ATXN10: variants seen among roughly 807,000 people sequenced by gnomAD.
The protein encoded by ATXN10 is ataxin 10, also known as ataxin-10.
Under a neutral mutation model 52.9 loss-of-function variants are expected in ATXN10, and 28 were observed. The observed-to-expected ratio is 0.53, with a 90% CI of 0.39 to 0.73. The LOEUF is 0.73. Among genes scored for constraint, ATXN10 ranks in the 30% least tolerant of loss-of-function variants. The probability of loss-of-function intolerance (pLI) is 0.00; values close to 1 mark genes in which losing one functional copy is unlikely to be tolerated. For missense variants in ATXN10, 565 were observed against 577.0 expected, an observed-to-expected ratio of 0.98 and a Z score of 0.21; for synonymous variants, 226 against 221.5, an observed-to-expected ratio of 1.02 and a Z score of -0.18.
At chr22:45,797,420 A>G (rs1927781952) in intron 9 of ATXN10, among the ~76,000 whole-genome samples, 1 of 152,246 alleles carries the variant, frequency 6.6e-6, no homozygotes, top group South Asian at 2.1e-4. Context: ...CTAATATCCC[A>G]AGATATTTGA....
At chr22:45,737,003 T>A (rs1925322937) in intron 7 of ATXN10, among the ~76,000 whole-genome samples, 1 of 152,254 alleles carries the variant, frequency 6.6e-6, no homozygotes, top group African/African-American at 2.4e-5. Flanking sequence ...AAAGGCAGGA[T>A]AAGTGCTCGA....
chr22:45,689,765 C>A lies in ATXN10; in HGVS notation c.170C>A (p.Ser57Tyr). The A allele has an allele frequency of 1.2e-6, 2 of 1,614,196 alleles. No individual in the cohort carries two copies. The highest frequency in any genetic ancestry group is 1.7e-6 in the Non-Finnish European group (2 of 1,180,026). ...AGAGTTCTGGATATCCTAAAGAAAT[C>A]TTCTCATGCTGTTGAGCTTGCCTGC... ...FQRVLDILKK[S>Y]SHAVELACRD... The change falls in exon 2 of 12, where the codon TCT (serine) becomes TAT (tyrosine). Residue 57 changes from serine to tyrosine, a missense_variant. By Grantham distance (144) the Ser-to-Tyr change is moderately radical. Transcript: ENST00000252934.
rs1173251370 is a variant in ATXN10, at chr22:45,762,222, C to G, written c.1173+21684C>G. On this transcript the variant is annotated intron_variant, in intron 9 of 11. Transcript: ENST00000252934. This position sits in a 1 kb window ranked among gnomAD's most constrained non-coding sequence, Gnocchi z 4.3. ...GAGACTGTGTTTCTATTTATTTGCC[C>G]TTTGTCTGTTTCCCCTGACCAGCGT... 1.3e-5 allele frequency among the ~76,000 whole-genome samples: 2 copies of G among 152,156 alleles called. No homozygotes were observed. Among genetic ancestry groups the G allele is most frequent in the Non-Finnish European group, 1.5e-5 (1 of 68,026 alleles).
Position 45,818,199 on chromosome 22 carries a change from A to G in ATXN10, c.1237+11177A>G, listed in dbSNP as rs1284001344. ...CACCTCCAGAATCACAGAGGCTAGA[A>G]GCTAAAGCTGTGTCAGCACACTGGG... On this transcript the variant is annotated intron_variant, in intron 10 of 11. Transcript: ENST00000252934. This position sits in a 1 kb window ranked among gnomAD's most constrained non-coding sequence, Gnocchi z 4.6. 6.6e-6 allele frequency among the ~76,000 whole-genome samples: 1 copy of G among 152,216 alleles called. No individual in the cohort carries two copies. The highest frequency in any genetic ancestry group is 1.5e-5 in the Non-Finnish European group (1 of 68,044).
At chr22:45,687,823 G>A (rs1027895130) in intron 1 of ATXN10, among the ~76,000 whole-genome samples, 8 of 152,296 alleles carry the variant, frequency 5.3e-5, no homozygotes, top group Non-Finnish European at 1.0e-4. Flanking sequence ...CACTTTGGGA[G>A]GCCGAGGTAG....
chr22:45,730,251 G>A (rs1925035203), intron 7 of ATXN10, among the ~76,000 whole-genome samples: 1 of 151,734 alleles, frequency 6.6e-6, no homozygotes, highest in South Asian at 2.1e-4. Context: ...GGCTGAGGTG[G>A]GAGGGTCACT....
chr22:45,735,966 A>T (rs1925280475), intron 7 of ATXN10, among the ~76,000 whole-genome samples: 1 of 151,918 alleles, frequency 6.6e-6, no homozygotes, highest in Non-Finnish European at 1.5e-5. Flanking sequence ...TAATTTCCAG[A>T]TGCTCATTAG....
At chr22:45,682,067 C>A (rs897142748) in intron 1 of ATXN10, among the ~76,000 whole-genome samples, 1 of 152,146 alleles carries the variant, frequency 6.6e-6, no homozygotes, top group South Asian at 2.1e-4. Flanking sequence ...TCTCTCCCCC[C>A]TTAAAAATCA....
rs772203552 is a variant in ATXN10, at chr22:45,750,108, A to T, written c.1173+9570A>T. Among the ~76,000 whole-genome samples the T allele has an allele frequency of 1.1e-4, 16 of 151,210 alleles. No individual in the cohort carries two copies. Among genetic ancestry groups the T allele is most frequent in the East Asian group, 2.0e-4 (1 of 5,068 alleles). On this transcript the variant is annotated intron_variant, in intron 9 of 11. Coordinates refer to ENST00000252934, the MANE Select transcript of ATXN10 (RefSeq NM_013236.4). This position sits in a 1 kb window ranked among gnomAD's most constrained non-coding sequence, Gnocchi z 4.2. Reference sequence around the variant, plus strand: ...GATAACAGACGTTTTAATTTAATTTAATTTTATTTTTGAGACAGGGTCTTG... The same window carrying T: ...GATAACAGACGTTTTAATTTAATTTTATTTTATTTTTGAGACAGGGTCTTG...
chr22:45,718,289 A>G lies in ATXN10; in HGVS notation c.648-124A>G. ...AACCTTTTAAGACATTTAAGATTAC[A>G]GCAAATCAAAAATTCACTGAAAAGA... is the stretch of plus-strand genomic sequence containing the variant. On this transcript the variant is annotated intron_variant, in intron 5 of 11. Transcript: ENST00000252934. This position sits in a 1 kb window ranked among gnomAD's most constrained non-coding sequence, Gnocchi z 4.4. The G allele has an allele frequency of 1.2e-6, 1 of 809,656 alleles. No homozygotes were observed. The highest frequency in any genetic ancestry group is 2.2e-6 in the Non-Finnish European group (1 of 457,204). The allele number at this position is 809,656 out of a possible 1,614,324, so 50.2% of individuals were successfully genotyped here. A position where few individuals can be genotyped will look rare whatever the true frequency, so the allele number is the denominator to read the frequency against.
chr22:45,768,028 G>A (rs995592688), intron 9 of ATXN10, among the ~76,000 whole-genome samples: 6 of 152,166 alleles, frequency 3.9e-5, no homozygotes, highest in African/African-American at 1.4e-4. Flanking sequence ...AAAGATAAAA[G>A]CAAAGAGGTG....
rs181158721 is a variant in ATXN10, at chr22:45,706,004, G to A, written c.647+3157G>A. The stretch of plus-strand genomic sequence containing the variant: ...GAGCACAAACCCTGTTGTGAACTGC[G>A]CATGCGAGGGATCTAGGTCTCACAC... On this transcript the variant is annotated intron_variant, in intron 5 of 11. Transcript: ENST00000252934. 5.9e-5 allele frequency among the ~76,000 whole-genome samples: 9 copies of A among 152,254 alleles called. No homozygotes were observed. In the East Asian group the frequency reaches 9.7e-4, roughly 16 times the overall value.
intron 1 of ATXN10, chr22:45,673,791 A>T (rs1051835937): frequency 2.0e-5 from 3 of 152,200 alleles, no homozygotes; most frequent in Admixed American, 6.5e-5. Context: ...GCTCGGTTAT[A>T]GATGAGAGGA....
rs1352093871 is a variant in ATXN10 at position 45,734,625 on chromosome 22, A to G, written c.895-4106A>G. ...TTCTCCACTTAGATTGTGGAAATAC[A>G]AACCTACATAGTCTAGTTCTTTCAG... is the stretch of plus-strand genomic sequence containing the variant. On this transcript the variant is annotated intron_variant, in intron 7 of 11. Transcript: ENST00000252934. Among the ~76,000 whole-genome samples the G allele has an allele frequency of 2.0e-5, 3 of 151,510 alleles. No homozygotes were observed. The East Asian group carries it at 5.8e-4, about 29-fold the overall frequency.
At chr22:45,808,356 C>T (rs138232442) in intron 10 of ATXN10, among the ~76,000 whole-genome samples, 234 of 152,332 alleles carry the variant, frequency 1.5e-3, no homozygotes, top group African/African-American at 5.5e-3. Context: ...TTTACTTTTA[C>T]ATTCCCTGAA....
At chr22:45,736,647 A>G (rs1364208172) in intron 7 of ATXN10, among the ~76,000 whole-genome samples, 2 of 152,064 alleles carry the variant, frequency 1.3e-5, no homozygotes, top group East Asian at 1.9e-4. Flanking sequence ...TTTGATGAGT[A>G]TGTCTTCAGG....
At position 45,790,223 on chromosome 22, in the gene ATXN10, A is replaced by G. The variant is rs1317088628; in HGVS notation, c.1174-16736A>G. Among the ~76,000 whole-genome samples, 3 of 152,180 alleles carry G rather than the reference A, an allele frequency of 2.0e-5. No homozygotes were observed. The highest frequency in any genetic ancestry group is 7.2e-5 in the African/African-American group (3 of 41,436). ...TTAGAGGGGCTCTTAATGCCTGTAT[A>G]GGGTCAGGATTTTTTTGTAACAGCT... On this transcript the variant is annotated intron_variant, in intron 9 of 11. Transcript: ENST00000252934. The surrounding 1 kb of genome is among the most constrained non-coding windows in gnomAD (Gnocchi z 4.7).
rs1221342663 is a variant in ATXN10 at position 45,789,404 on chromosome 22, A to G, written c.1174-17555A>G. Among the ~76,000 whole-genome samples the G allele has an allele frequency of 1.3e-5, 2 of 152,072 alleles. No individual in the cohort carries two copies. The highest frequency in any genetic ancestry group is 1.3e-4 in the Admixed American group (2 of 15,268). On this transcript the variant is annotated intron_variant, in intron 9 of 11. Transcript: ENST00000252934. The surrounding 1 kb of genome is among the most constrained non-coding windows in gnomAD (Gnocchi z 4.0). ...GCAAATCATTGTTAAGTATCTCGGG[A>G]CCGGGCAAGGGATGCAAGGATGAGT...
rs369150200 is a variant in ATXN10 at position 45,764,276 on chromosome 22, C to T, written c.1173+23738C>T. Among the ~76,000 whole-genome samples, 11 of 152,048 alleles carry T rather than the reference C, an allele frequency of 7.2e-5. No individual in the cohort carries two copies. The South Asian group carries it at 1.9e-3, about 26-fold the overall frequency. On this transcript the variant is annotated intron_variant, in intron 9 of 11. Transcript: ENST00000252934. ...CCCACTCAGGCAAGCCTTGTTGCCC[C>T]AGGCCCAGACCTCTCAGATTCCCTC...
Sources: gnomAD v4.1 joint callset for allele counts (sites outside exome capture counted in the v4.1 genomes callset) on GRCh38, gnomAD v4.1.1 for gene constraint, Gnocchi (gnomAD v3.1) non-coding constraint, MANE v1.5 for transcripts, NCBI Gene and HGNC (gene_info 2026-07-23, HGNC 2026-07-21) for gene names.